Variants in HSD17B12 observed in about 807,000 individuals in gnomAD.
HSD17B12 encodes hydroxysteroid 17-beta dehydrogenase 12.
A neutral mutation model predicts 39.3 loss-of-function variants in HSD17B12; 32 were observed. That is an observed-to-expected ratio of 0.81 (90% confidence interval 0.61 to 1.09). HSD17B12 has a LOEUF of 1.09. Ranked by LOEUF, HSD17B12 falls within the 50% of genes least tolerant of loss-of-function variation. The pLI is 0.00. For missense variants in HSD17B12, 342 were observed against 382.9 expected (o/e 0.89, Z 0.89); for synonymous variants, 150 against 146.7 (o/e 1.02, Z -0.16).
chr11:43,695,110 T>C (rs1949898357), intron 1 of HSD17B12, among the ~76,000 whole-genome samples: 1 of 151,644 alleles, frequency 6.6e-6, no homozygotes, highest in African/African-American at 2.4e-5. Flanking sequence ...TGCTTGAGCC[T>C]GGGAGACAGA....
chr11:43,574,077 G>A, the HSD17B12 span, among the ~76,000 whole-genome samples: 1 of 152,222 alleles, frequency 6.6e-6, no homozygotes, highest in Non-Finnish European at 1.5e-5. Flanking sequence ...CTGCTGATGG[G>A]CTGCCAGAGG....
intron 3 of HSD17B12, among the ~76,000 whole-genome samples, chr11:43,762,184 AAAG>A (rs1950560561): frequency 6.6e-6 from 1 of 151,968 alleles, no homozygotes; most frequent in Non-Finnish European, 1.5e-5. Context: ...AGAAGAAAAA[AAAG>A]ACGTTTTCTC....
At position 43,806,028 on chromosome 11, in the gene HSD17B12, C is replaced by T. The variant is rs188234784; in HGVS notation, c.391+7601C>T. Among the ~76,000 whole-genome samples, 8 of 152,282 alleles carry T rather than the reference C, an allele frequency of 5.3e-5. No individual in the cohort carries two copies. The East Asian group carries it at 5.8e-4, about 11-fold the overall frequency. On this transcript the variant is annotated intron_variant, in intron 4 of 10. Coordinates refer to ENST00000278353, the MANE Select transcript of HSD17B12 (RefSeq NM_016142.3). ...AAGAGAAACCATAGGGCAAGGTCTG[C>T]GGGGAGTCCCCAACACAGAGGTTCT...
the HSD17B12 span, among the ~76,000 whole-genome samples, chr11:43,620,603 G>A: frequency 1.9e-4 from 29 of 152,136 alleles, no homozygotes; most frequent in African/African-American, 5.6e-4. Context: ...CCTATAAACC[G>A]GAGCTTACTA....
chr11:43,777,648 A>T (rs945991498), intron 3 of HSD17B12, among the ~76,000 whole-genome samples: 2 of 152,294 alleles, frequency 1.3e-5, no homozygotes, highest in African/African-American at 4.8e-5. Flanking sequence ...ACTATGTTGA[A>T]TAGGAGTGGT....
chr11:43,809,206 C>T (rs1442103256), intron 4 of HSD17B12, among the ~76,000 whole-genome samples: 3 of 152,200 alleles, frequency 2.0e-5, no homozygotes, highest in African/African-American at 7.2e-5. Flanking sequence ...TCTTCCTCTT[C>T]CATTTATTAA....
chr11:43,733,127 T>A (rs1950284674), intron 1 of HSD17B12, among the ~76,000 whole-genome samples: 1 of 152,246 alleles, frequency 6.6e-6, no homozygotes. Flanking sequence ...TTCAGCATTA[T>A]CAGATTAATG....
the HSD17B12 span, among the ~76,000 whole-genome samples, chr11:43,560,025 G>A: frequency 6.0e-3 from 906 of 152,162 alleles, 13 homozygotes; most frequent in African/African-American, 0.02. Context: ...CGTCATGGTG[G>A]TTTTTTATTT....
chr11:43,624,342 C>G, the HSD17B12 span, among the ~76,000 whole-genome samples: 2 of 151,926 alleles, frequency 1.3e-5, no homozygotes, highest in African/African-American at 4.8e-5. Flanking sequence ...AGTAATGACT[C>G]TCCTATGTCC....
the HSD17B12 span, among the ~76,000 whole-genome samples, chr11:43,624,742 T>G: frequency 1.6e-4 from 24 of 151,818 alleles, no homozygotes; most frequent in African/African-American, 5.1e-4. Flanking sequence ...AAAGTAAATA[T>G]TCACATAAAA....
At chr11:43,773,361 C>A (rs1026970983) in intron 3 of HSD17B12, among the ~76,000 whole-genome samples, 7 of 152,136 alleles carry the variant, frequency 4.6e-5, no homozygotes, top group African/African-American at 1.4e-4. Flanking sequence ...CTGCCTCAGC[C>A]ACCCAAGTAG....
intron 3 of HSD17B12, among the ~76,000 whole-genome samples, chr11:43,764,809 T>G (rs1290801845): frequency 6.6e-6 from 1 of 152,176 alleles, no homozygotes; most frequent in Non-Finnish European, 1.5e-5. Context: ...ATATTTTAAA[T>G]GGGTTTCTTA....
chr11:43,750,373 AGTT>A, intron 1 of HSD17B12, among the ~76,000 whole-genome samples: 1 of 152,016 alleles, frequency 6.6e-6, no homozygotes, highest in Non-Finnish European at 1.5e-5. Flanking sequence ...ATATATCAGT[AGTT>A]CTTTTTTTAT....
chr11:43,833,590 C>G (rs1951336068), intron 7 of HSD17B12: 1 of 152,216 alleles, frequency 6.6e-6, no homozygotes, highest in Admixed American at 6.5e-5. Context: ...GTTAGCAGAT[C>G]ATATTGAAAG....
the HSD17B12 span, among the ~76,000 whole-genome samples, chr11:43,626,459 G>A: frequency 6.6e-6 from 1 of 151,650 alleles, no homozygotes; most frequent in African/African-American, 2.4e-5. Context: ...TGTTGGTCTT[G>A]AAAATGCCAA....
intron 1 of HSD17B12, among the ~76,000 whole-genome samples, chr11:43,740,207 T>A (rs1320768475): frequency 6.6e-6 from 1 of 152,156 alleles, no homozygotes; most frequent in East Asian, 1.9e-4. Flanking sequence ...GTGTATAGCA[T>A]GAATTGAGTG....
At chr11:43,621,373 G>C in the HSD17B12 span, among the ~76,000 whole-genome samples, 1 of 152,210 alleles carries the variant, frequency 6.6e-6, no homozygotes, top group African/African-American at 2.4e-5. Context: ...AACCCCTCTG[G>C]GAGGCTGGGG....
the HSD17B12 span, among the ~76,000 whole-genome samples, chr11:43,663,112 C>T: frequency 6.6e-6 from 1 of 152,134 alleles, no homozygotes; most frequent in Non-Finnish European, 1.5e-5. Context: ...GACAGAGTCT[C>T]GATCTGCCTG....
intron 9 of HSD17B12, among the ~76,000 whole-genome samples, chr11:43,841,669 T>C (rs547748341): frequency 2.0e-5 from 3 of 152,338 alleles, no homozygotes; most frequent in Middle Eastern, 3.4e-3. Context: ...CATTCTTCAA[T>C]TGAAAGAAAT....
Sources: allele counts gnomAD v4.1 joint callset (sites outside exome capture counted in the v4.1 genomes callset), GRCh38; gene constraint gnomAD v4.1.1; transcripts MANE v1.5; gene names NCBI Gene and HGNC (gene_info 2026-07-23, HGNC 2026-07-21).